Variants in TRPC4 observed in about 807,000 individuals in gnomAD.
TRPC4 encodes the protein transient receptor potential cation channel subfamily C member 4, also known as short transient receptor potential channel 4.
Under a neutral mutation model 99.4 loss-of-function variants are expected in TRPC4, and 49 were observed. That is an observed-to-expected ratio of 0.49 (90% CI 0.39 to 0.63). TRPC4 has a LOEUF of 0.63. Ranked by LOEUF, TRPC4 falls within the 20% of genes least tolerant of loss-of-function variation. TRPC4 has a pLI of 0.00. For synonymous variants in TRPC4, 454 were observed against 425.9 expected, an observed-to-expected ratio of 1.07 and a Z score of -0.81; for missense variants, 898 against 1,152.9, an observed-to-expected ratio of 0.78 and a Z score of 3.20.
At chr13:37,838,020 C>T (rs1190682014) in intron 1 of TRPC4, among the ~76,000 whole-genome samples, 1 of 152,140 alleles carries the variant, frequency 6.6e-6, no homozygotes, top group Non-Finnish European at 1.5e-5. Flanking sequence ...CTGATGCCAT[C>T]CATGTAAGAC....
At chr13:37,716,126 C>T (rs1954655694) in intron 3 of TRPC4, among the ~76,000 whole-genome samples, 1 of 151,976 alleles carries the variant, frequency 6.6e-6, no homozygotes, top group Non-Finnish European at 1.5e-5. Context: ...CTCCTTGCTG[C>T]AAATCAAAAG....
At chr13:37,734,611 A>C (rs1955340740) in intron 3 of TRPC4, among the ~76,000 whole-genome samples, 1 of 152,166 alleles carries the variant, frequency 6.6e-6, no homozygotes, top group African/African-American at 2.4e-5. Context: ...ATCACTATAC[A>C]TTCTATGTAT....
chr13:37,682,620 C>T (rs1953286512), intron 4 of TRPC4, among the ~76,000 whole-genome samples: 1 of 152,160 alleles, frequency 6.6e-6, no homozygotes, highest in African/African-American at 2.4e-5. Flanking sequence ...TACTAGGAGG[C>T]ATCAGGACCC....
chr13:37,834,201 T>C (rs9532126), intron 1 of TRPC4, among the ~76,000 whole-genome samples: 37,478 of 152,172 alleles, frequency 0.25, 4,923 homozygotes, highest in African/African-American at 0.33. Context: ...TACATAGCTA[T>C]CTTCTTTTCA....
In TRPC4 at chr13:37,771,318, C is replaced by T. The variant is rs1956544448; in HGVS notation, c.378+11638G>A. 2.0e-5 allele frequency among the ~76,000 whole-genome samples: 3 copies of T among 151,744 alleles called. No homozygotes were observed. The South Asian group carries it at 6.2e-4, about 31-fold the overall frequency. On this transcript the variant is annotated intron_variant, in intron 2 of 10. Coordinates refer to ENST00000379705, the MANE Select transcript of TRPC4 (RefSeq NM_016179.4). ...TTGCTAACCAAAACCCTTGTCCTCA[C>T]TTTCCTACTTCTCTCATCTTAGGTT...
intron 2 of TRPC4, among the ~76,000 whole-genome samples, chr13:37,779,624 A>C (rs77569904): frequency 6.6e-6 from 1 of 152,048 alleles, no homozygotes; most frequent in African/African-American, 2.4e-5. Context: ...AAGAAAACCA[A>C]TGTCAGAACT....
chr13:37,705,443 T>C (rs1954240595), intron 3 of TRPC4, among the ~76,000 whole-genome samples: 1 of 151,894 alleles, frequency 6.6e-6, no homozygotes. Context: ...ATTTTAAGTG[T>C]TATCACCACA....
At chr13:37,699,837 T>C (rs371005921) in intron 3 of TRPC4, among the ~76,000 whole-genome samples, 2 of 152,328 alleles carry the variant, frequency 1.3e-5, no homozygotes, top group East Asian at 1.9e-4. Flanking sequence ...AGAGGCTGAT[T>C]AAACTTCTGA....
At chr13:37,746,665 T>A (rs1214187911) in intron 2 of TRPC4, among the ~76,000 whole-genome samples, 1 of 152,024 alleles carries the variant, frequency 6.6e-6, no homozygotes, top group Non-Finnish European at 1.5e-5. Context: ...ATTATTCTTT[T>A]TTTAATCTGA....
intron 1 of TRPC4, among the ~76,000 whole-genome samples, chr13:37,859,920 C>T (rs1446955323): frequency 6.6e-6 from 1 of 151,154 alleles, no homozygotes; most frequent in Non-Finnish European, 1.5e-5. Context: ...ACCCCCACCT[C>T]CATGCACATG....
intron 8 of TRPC4, among the ~76,000 whole-genome samples, chr13:37,639,588 CACTCAACATTGACGGAATGATGCTA>C (rs762444496): frequency 3.3e-5 from 5 of 151,982 alleles, no homozygotes; most frequent in Non-Finnish European, 7.4e-5. Flanking sequence ...AGTTAATATG[CACTCAACATTGACGGAATGATGCTA>C]AGAGAAAGAG....
chr13:37,791,490 T>C (rs1593753037), intron 1 of TRPC4, among the ~76,000 whole-genome samples: 1 of 151,738 alleles, frequency 6.6e-6, no homozygotes, highest in Non-Finnish European at 1.5e-5. Context: ...CACTGAAATA[T>C]ACATGGTGCT....
intron 1 of TRPC4, among the ~76,000 whole-genome samples, chr13:37,793,538 G>C (rs1957173068): frequency 6.8e-6 from 1 of 147,872 alleles, no homozygotes; most frequent in Admixed American, 7.0e-5. Flanking sequence ...ACAAAGAAGA[G>C]TTTATTAAGT....
At chr13:37,796,354 A>T (rs1957244583) in intron 1 of TRPC4, among the ~76,000 whole-genome samples, 1 of 152,160 alleles carries the variant, frequency 6.6e-6, no homozygotes, top group Admixed American at 6.5e-5. Flanking sequence ...ATGAATACAG[A>T]GGTTAATTTA....
rs191787764 is a variant in TRPC4 at position 37,712,970 on chromosome 13, C to T, written c.898-20635G>A. 3.9e-5 allele frequency among the ~76,000 whole-genome samples: 6 copies of T among 152,304 alleles called. No homozygotes were observed. The East Asian group carries it at 1.2e-3, about 29-fold the overall frequency. On this transcript the variant is annotated intron_variant, in intron 3 of 10. Transcript: ENST00000379705. ...TGAACAGACAAAACACATGCATGCT[C>T]ACACAAGCACCCTCTATGTCAGGCT... is the stretch of plus-strand genomic sequence containing the variant.
At chr13:37,639,425 T>G (rs889046382) in intron 8 of TRPC4, 126 bp from the exon 9 acceptor site, 10 of 903,738 alleles carry the variant, frequency 1.1e-5, no homozygotes, top group Non-Finnish European at 1.7e-5. Flanking sequence ...TACTAGTCAA[T>G]GGACAATGGC....
intron 1 of TRPC4, among the ~76,000 whole-genome samples, chr13:37,810,659 C>T (rs1481185766): frequency 6.6e-6 from 1 of 152,142 alleles, no homozygotes; most frequent in South Asian, 2.1e-4. Context: ...TAAGTGACAA[C>T]AATTGAAAAT....
At chr13:37,779,419 CATT>C (rs1956783102) in intron 2 of TRPC4, among the ~76,000 whole-genome samples, 1 of 149,158 alleles carries the variant, frequency 6.7e-6, no homozygotes, top group African/African-American at 2.5e-5. Flanking sequence ...TTACTCTTCT[CATT>C]AAAAAAAAAA....
At chr13:37,814,536 T>A (rs980945151) in intron 1 of TRPC4, among the ~76,000 whole-genome samples, 1 of 151,646 alleles carries the variant, frequency 6.6e-6, no homozygotes, top group African/African-American at 2.4e-5. Context: ...AAAACAAAAC[T>A]ATAGAAACAG....
Sources: allele counts gnomAD v4.1 joint callset (sites outside exome capture counted in the v4.1 genomes callset), GRCh38; gene constraint gnomAD v4.1.1; transcripts MANE v1.5; gene names NCBI Gene and HGNC (gene_info 2026-07-23, HGNC 2026-07-21).